LIFR: variants seen among roughly 807,000 people sequenced by gnomAD.
The protein encoded by LIFR is LIF receptor subunit alpha.
In LIFR, 84 loss-of-function variants were observed where a neutral mutation model predicts 122.2. The observed-to-expected ratio is 0.69, with a 90% CI of 0.58 to 0.82. The LOEUF is 0.82. Ranked by LOEUF, LIFR falls within the 40% of genes least tolerant of loss-of-function variation. The pLI is 0.00. For synonymous variants in LIFR, 422 were observed against 434.7 expected, an observed-to-expected ratio of 0.97 and a Z score of 0.36; for missense variants, 1,294 against 1,311.6, an observed-to-expected ratio of 0.99 and a Z score of 0.21.
intron 14 of LIFR, among the ~76,000 whole-genome samples, chr5:38,492,578 CA>C (rs1735559480): frequency 6.6e-6 from 1 of 152,102 alleles, no homozygotes; most frequent in Non-Finnish European, 1.5e-5. Flanking sequence ...CCACTTCAGC[CA>C]ATTATACATG....
chr5:38,555,712 T>TG (rs35721914), intron 1 of LIFR, among the ~76,000 whole-genome samples: 45,885 of 146,858 alleles, frequency 0.31, 7,407 homozygotes, highest in East Asian at 0.42. Context: ...TAGCGGAATG[T>TG]GGGGGGTGGG....
intron 7 of LIFR, among the ~76,000 whole-genome samples, chr5:38,508,727 C>A (rs1455417523): frequency 6.7e-6 from 1 of 148,714 alleles, no homozygotes; most frequent in Non-Finnish European, 1.5e-5. Flanking sequence ...CAGGCGCCTG[C>A]CACCATGCCC....
chr5:38,558,686 C>T (rs1370534528), upstream of LIFR: 1 of 152,182 alleles, frequency 6.6e-6, no homozygotes, highest in Non-Finnish European at 1.5e-5. Context: ...GGAAACTTAA[C>T]AATCGTGGTG....
chr5:38,543,340 T>C (rs535975701), intron 1 of LIFR, among the ~76,000 whole-genome samples: 102 of 152,248 alleles, frequency 6.7e-4, no homozygotes, highest in Non-Finnish European at 1.1e-3. Context: ...CATGAGGAAA[T>C]AGATTAAGTG....
chr5:38,492,544 G>GGGA (rs796687517), intron 14 of LIFR, among the ~76,000 whole-genome samples: 63 of 152,262 alleles, frequency 4.1e-4, no homozygotes, highest in African/African-American at 1.3e-3. Context: ...GAAGGATAAA[G>GGGA]GGAACAACTC....
At position 38,476,711 on chromosome 5, in the gene LIFR, A is replaced by C. The variant is rs1179015299; in HGVS notation, c.*4884T>G. The C allele has an allele frequency of 4.8e-6, 1 of 210,412 alleles. No individual in the cohort carries two copies. The highest frequency in any genetic ancestry group is 9.6e-6 in the Non-Finnish European group (1 of 103,706). The allele number at this position is 210,412 out of a possible 1,614,324, so 13.0% of individuals were successfully genotyped here. On this transcript the variant is annotated 3_prime_UTR_variant, in exon 20 of 20. Coordinates refer to ENST00000453190, the MANE Select transcript of LIFR (RefSeq NM_001127671.2). ...CATATTTTGTTTCTGGCTAATGTTC[A>C]ATCAGTTTTTCTTTTATAAGAGCTT...
At chr5:38,570,986 G>GT (rs1177662576) in intron 1 of LIFR, among the ~76,000 whole-genome samples, 2 of 152,118 alleles carry the variant, frequency 1.3e-5, no homozygotes. Flanking sequence ...CCTCTTTTAT[G>GT]TACGAAGCAC....
intron 1 of LIFR, among the ~76,000 whole-genome samples, chr5:38,541,483 T>C (rs901185274): frequency 3.9e-5 from 6 of 152,174 alleles, no homozygotes; most frequent in Non-Finnish European, 5.9e-5. Flanking sequence ...TCTTTTCTAA[T>C]ACATGAAAGA....
chr5:38,528,751 C>G lies in LIFR; in HGVS notation c.232G>C (p.Asp78His). The G allele has an allele frequency of 6.3e-7, 1 of 1,592,682 alleles. No homozygotes were observed. Among genetic ancestry groups the G allele is most frequent in the Non-Finnish European group, 8.6e-7 (1 of 1,167,208 alleles). Residue 78 changes from aspartate to histidine, a missense_variant, in exon 3 of 20, where the codon GAT becomes CAT. Physicochemically the swap from Asp to His is moderately conservative, Grantham distance 81. Coordinates refer to ENST00000453190, the MANE Select transcript of LIFR (RefSeq NM_001127671.2). ...CTGTTTTCAATGCAAACTTCATAAT[C>G]AGTACCACGGCCTGTTCCAGAGGGT... ...KAPSGTGRGT[D>H]YEVCIENRSR...
chr5:38,522,018 G>A (rs749085406), intron 5 of LIFR, among the ~76,000 whole-genome samples: 11 of 152,148 alleles, frequency 7.2e-5, no homozygotes, highest in East Asian at 3.9e-4. Flanking sequence ...GCAGGCATGC[G>A]GTGTTCCCCA....
At position 38,510,516 on chromosome 5, in the gene LIFR, A is replaced by G. The variant is rs1370130950; in HGVS notation, c.939T>C (p.Asn313=). 1 of 1,613,688 alleles carries G rather than the reference A, an allele frequency of 6.2e-7. No homozygotes were observed. Among genetic ancestry groups the G allele is most frequent in the African/African-American group, 1.3e-5 (1 of 74,914 alleles). The change falls in exon 7 of 20, where the codon AAT becomes AAC. Residue 313 remains asparagine, a synonymous_variant. Transcript: ENST00000453190. ...NISVSASSGT[N]VVFTTEDNIF... ...TGTTATCTTCGGTTGTAAAAACTAC[A>G]TTTGTTCCACTACTTGCAGAAACAG...
chr5:38,543,694 AAAG>A (rs1227068034), intron 1 of LIFR, among the ~76,000 whole-genome samples: 1 of 152,228 alleles, frequency 6.6e-6, no homozygotes, highest in Non-Finnish European at 1.5e-5. Context: ...GGGATTGAGT[AAAG>A]AAGATGACAT....
In LIFR at chr5:38,475,433, C is replaced by T. The variant is rs1329200321; in HGVS notation, c.*6162G>A. ...ACAGCACATCACAACTGTTTATTCA[C>T]CTTAAAAAAATGTCTGTAGTGGTAA... On this transcript the variant is annotated 3_prime_UTR_variant, in exon 20 of 20. Transcript: ENST00000453190. 1 of 197,716 alleles carries T rather than the reference C, an allele frequency of 5.1e-6. No individual in the cohort carries two copies. The highest frequency in any genetic ancestry group is 1.0e-5 in the Non-Finnish European group (1 of 95,360). 12.2% of individuals were successfully genotyped at this position (197,716 alleles called of 1,614,324 possible).
chr5:38,521,993 C>T (rs752385854), intron 5 of LIFR, among the ~76,000 whole-genome samples: 4 of 152,148 alleles, frequency 2.6e-5, no homozygotes, highest in Admixed American at 6.5e-5. Flanking sequence ...TACATGTAGA[C>T]ACTAGCTGTG....
chr5:38,556,159 A>C (rs1748521427), intron 1 of LIFR, among the ~76,000 whole-genome samples, 175 bp downstream of exon 1: 1 of 152,018 alleles, frequency 6.6e-6, no homozygotes, highest in African/African-American at 2.4e-5. Flanking sequence ...AGGGTGACCC[A>C]AGGGCGCGCG....
At chr5:38,591,704 T>C (rs1332336801) in intron 1 of LIFR, among the ~76,000 whole-genome samples, 2 of 152,216 alleles carry the variant, frequency 1.3e-5, no homozygotes, top group Non-Finnish European at 2.9e-5. Flanking sequence ...CTTAAAATAT[T>C]GTTTTGCTCT....
intron 7 of LIFR, among the ~76,000 whole-genome samples, chr5:38,509,646 G>A (rs1410156899): frequency 2.6e-5 from 4 of 152,126 alleles, no homozygotes; most frequent in Non-Finnish European, 4.4e-5. Flanking sequence ...CATTATTCAG[G>A]CGACCTTTAG....
chr5:38,507,311 C>A (rs1272336371), intron 7 of LIFR, among the ~76,000 whole-genome samples: 1 of 151,480 alleles, frequency 6.6e-6, no homozygotes, highest in Non-Finnish European at 1.5e-5. Context: ...CATCTGTAAT[C>A]CCAGCACTCT....
intron 1 of LIFR, among the ~76,000 whole-genome samples, chr5:38,594,055 G>A (rs1288757575): frequency 2.0e-5 from 3 of 152,294 alleles, no homozygotes; most frequent in East Asian, 1.9e-4. Context: ...ACACACGGAC[G>A]TGATCCAGGG....
Sources: allele counts gnomAD v4.1 joint callset (sites outside exome capture counted in the v4.1 genomes callset), GRCh38; gene constraint gnomAD v4.1.1; transcripts MANE v1.5; gene names NCBI Gene and HGNC (gene_info 2026-07-23, HGNC 2026-07-21).